NDUFS1: variants seen among roughly 807,000 people sequenced by gnomAD.
NDUFS1 encodes the protein NADH:ubiquinone oxidoreductase core subunit S1, also known as NADH-ubiquinone oxidoreductase 75 kDa subunit, mitochondrial.
A neutral mutation model predicts 84.4 loss-of-function variants in NDUFS1; 61 were observed. The observed-to-expected ratio is 0.72, with a 90% confidence interval of 0.59 to 0.89. The LOEUF (loss-of-function observed/expected upper bound fraction) is 0.89. NDUFS1 is among the 40% of genes least tolerant of loss of function. The pLI, the probability that NDUFS1 is intolerant of heterozygous loss-of-function variation, is 0.00. For missense variants in NDUFS1, 891 were observed against 890.0 expected (o/e 1.00, Z -0.01); for synonymous variants, 275 against 290.0 (o/e 0.95, Z 0.53).
At position 206,115,027 on chromosome 2, in the gene NDUFS1, C is replaced by T. The variant is rs909959180; in HGVS notation, c.*9158G>A. The stretch of plus-strand genomic sequence containing the variant: ...ATGATTATACAAAAAAATTTTTCAG[C>T]AGTTCCCTATTGATGGATATTTACA... On this transcript the variant is annotated 3_prime_UTR_variant, in exon 19 of 19. Coordinates refer to ENST00000233190, the MANE Select transcript of NDUFS1 (RefSeq NM_005006.7). 3 of 152,196 alleles carry T rather than the reference C, an allele frequency of 2.0e-5. No individual in the cohort carries two copies. The highest frequency in any genetic ancestry group is 7.2e-5 in the African/African-American group (3 of 41,450). The allele number at this position is 152,196 out of a possible 1,614,324, so 9.4% of individuals were successfully genotyped here.
chr2:206,152,576 G>A, intron 2 of NDUFS1, 66 bp from the exon 3 acceptor site: 2 of 1,362,476 alleles, frequency 1.5e-6, no homozygotes, highest in Non-Finnish European at 2.1e-6. Context: ...GATAATGGAT[G>A]AATTGACTCT....
rs1281681195 is a variant in NDUFS1 at position 206,123,557 on chromosome 2, T to C, written c.*628A>G. 1 of 152,204 alleles carries C rather than the reference T, an allele frequency of 6.6e-6. No individual in the cohort carries two copies. The highest frequency in any genetic ancestry group is 1.9e-4 in the East Asian group (1 of 5,192). 9.4% of individuals were successfully genotyped at this position (152,204 alleles called of 1,614,324 possible). ...GTTGGTGACTTTTGCTGTGTGGCCT[T>C]GGGCAAGCTATTTAATATACCTAGG... On this transcript the variant is annotated 3_prime_UTR_variant, in exon 19 of 19. Coordinates refer to ENST00000233190, the MANE Select transcript of NDUFS1 (RefSeq NM_005006.7).
chr2:206,144,152 C>G lies in NDUFS1; in HGVS notation c.873-20G>C. Reference sequence around the variant, plus strand: ...GCAAATCTAGAAAACAGAAATTACACCATTGTGGAATCTTGCTAAAGAAGT... The same window carrying G: ...GCAAATCTAGAAAACAGAAATTACAGCATTGTGGAATCTTGCTAAAGAAGT... On this transcript the variant is annotated intron_variant, in intron 9 of 18. Transcript: ENST00000233190. The G allele has an allele frequency of 6.5e-7, 1 of 1,545,918 alleles. No homozygotes were observed. Among genetic ancestry groups the G allele is most frequent in the Non-Finnish European group, 8.9e-7 (1 of 1,118,156 alleles).
At position 206,139,930 on chromosome 2, in the gene NDUFS1, A is replaced by G. The variant is rs563570187; in HGVS notation, c.1263-1316T>C. Among the ~76,000 whole-genome samples the G allele has an allele frequency of 1.8e-3, 267 of 151,932 alleles. 1 individual carries two copies. Among genetic ancestry groups the G allele is most frequent in the African/African-American group, 6.2e-3 (255 of 41,454 alleles). ...CCAGAAGAGTCATGAAACTAATTGTAATGTATGACTCCAGAATGGATCCTG... is the reference window on the plus strand; with the variant it reads ...CCAGAAGAGTCATGAAACTAATTGTGATGTATGACTCCAGAATGGATCCTG... On this transcript the variant is annotated intron_variant, in intron 12 of 18. Transcript: ENST00000233190.
At position 206,121,609 on chromosome 2, in the gene NDUFS1, T is replaced by G. The variant is rs1358248692; in HGVS notation, c.*2576A>C. The G allele has an allele frequency of 6.6e-6, 1 of 152,100 alleles. No individual in the cohort carries two copies. The highest frequency in any genetic ancestry group is 1.5e-5 in the Non-Finnish European group (1 of 68,074). 9.4% of individuals were successfully genotyped at this position (152,100 alleles called of 1,614,324 possible). A position where few individuals can be genotyped will look rare whatever the true frequency, so the allele number is the denominator to read the frequency against. On this transcript the variant is annotated 3_prime_UTR_variant, in exon 19 of 19. Coordinates refer to ENST00000233190, the MANE Select transcript of NDUFS1 (RefSeq NM_005006.7). Reference sequence around the variant, plus strand: ...CTGGGATTACAGCCATGTGCCACCATGCCTGGCTAATTTTTGTATTTTTAG... The same window carrying G: ...CTGGGATTACAGCCATGTGCCACCAGGCCTGGCTAATTTTTGTATTTTTAG...
At chr2:206,148,968 G>C in intron 5 of NDUFS1, 52 bp downstream of exon 5, 1 of 1,349,206 alleles carries the variant, frequency 7.4e-7, no homozygotes, top group Non-Finnish European at 1.1e-6. Flanking sequence ...ATACCAAAAT[G>C]TGCAATTTTC....
rs565989935 is a variant in NDUFS1 at position 206,144,200 on chromosome 2, C to A, written c.873-68G>T. The A allele has an allele frequency of 4.0e-5, 48 of 1,198,744 alleles. No individual in the cohort carries two copies. In the African/African-American group the frequency reaches 5.9e-4, roughly 15 times the overall value. The allele number at this position is 1,198,744 out of a possible 1,614,324, so 74.3% of individuals were successfully genotyped here. A position where few individuals can be genotyped will look rare whatever the true frequency, so the allele number is the denominator to read the frequency against. On this transcript the variant is annotated intron_variant, in intron 9 of 18. Coordinates refer to ENST00000233190, the MANE Select transcript of NDUFS1 (RefSeq NM_005006.7). ...AGTAACTATAATTTTCAAGTTAAAT[C>A]AACAAGAAATGTTATTTAAATACAG...
At chr2:206,152,326 G>T (rs1692400472) in intron 3 of NDUFS1, 93 bp downstream of exon 3, 2 of 940,078 alleles carry the variant, frequency 2.1e-6, no homozygotes, top group Non-Finnish European at 3.4e-6. Flanking sequence ...TTATTTTAAA[G>T]AATTATTTAC....
rs555320851 is a variant in NDUFS1 at position 206,139,114 on chromosome 2, C to G, written c.1263-500G>C. ...CTGGGTAACAAGAGCAAAACTCCAC[C>G]TCAAAATAAAAAATTTAAAAAAAAA... On this transcript the variant is annotated intron_variant, in intron 12 of 18. Transcript: ENST00000233190. Among the ~76,000 whole-genome samples the G allele has an allele frequency of 2.0e-5, 3 of 150,030 alleles. No homozygotes were observed. In the East Asian group the frequency reaches 5.9e-4, roughly 29 times the overall value.
intron 1 of NDUFS1, among the ~76,000 whole-genome samples, chr2:206,154,797 G>A (rs552930468): frequency 6.6e-6 from 1 of 151,570 alleles, no homozygotes; most frequent in East Asian, 2.0e-4. Context: ...CTAATTTTTT[G>A]TATCTTTAGT....
intron 16 of NDUFS1, 129 bp from the exon 17 acceptor site, chr2:206,126,973 C>A: frequency 8.9e-7 from 1 of 1,122,012 alleles, no homozygotes; most frequent in South Asian, 1.4e-5. Flanking sequence ...CATTAGTAGA[C>A]ATACATTTAT....
intron 15 of NDUFS1, 109 bp from the exon 16 acceptor site, chr2:206,128,081 A>C: frequency 2.3e-6 from 3 of 1,278,824 alleles, no homozygotes; most frequent in Middle Eastern, 2.2e-4. Flanking sequence ...AAGTCACAAA[A>C]GTTTTTAAAA....
intron 3 of NDUFS1, 37 bp from the exon 4 acceptor site, chr2:206,149,962 T>C: frequency 7.8e-7 from 1 of 1,286,396 alleles, no homozygotes; most frequent in Non-Finnish European, 1.1e-6. Context: ...AAAAAAAGCA[T>C]TAGAATAACC....
chr2:206,146,877 AC>A (rs1328017386), intron 8 of NDUFS1, 25 bp downstream of exon 8: 1 of 1,605,906 alleles, frequency 6.2e-7, no homozygotes, highest in Admixed American at 1.7e-5. Flanking sequence ...GGACAAAAAA[AC>A]AAATTGTCAT....
intron 3 of NDUFS1, among the ~76,000 whole-genome samples, chr2:206,152,014 C>T (rs964150261): frequency 1.4e-4 from 21 of 152,116 alleles, no homozygotes; most frequent in African/African-American, 3.4e-4. Context: ...TACAGGTGCG[C>T]GCCACGATGC....
chr2:206,126,660 T>A (rs564354783), intron 17 of NDUFS1, 49 bp from the exon 18 acceptor site: 1 of 1,614,098 alleles, frequency 6.2e-7, no homozygotes, highest in Admixed American at 1.7e-5. Context: ...CTAGTACTGT[T>A]ACACCAGTAG....
In NDUFS1 at chr2:206,123,921, CTCTT is replaced by C; in HGVS notation, c.*260_*263del. ...AGCCAACAACTCATAATTTAAGGAT[CTCTT>C]TATGTTCGTCACAAAGGTTATCAAT... On this transcript the variant is annotated 3_prime_UTR_variant, in exon 19 of 19. Transcript: ENST00000233190. 3.0e-6 allele frequency: 1 copy of C among 337,198 alleles called. No individual in the cohort carries two copies. Among genetic ancestry groups the C allele is most frequent in the Non-Finnish European group, 5.3e-6 (1 of 187,952 alleles). 20.9% of individuals were successfully genotyped at this position (337,198 alleles called of 1,614,324 possible). A position where few individuals can be genotyped will look rare whatever the true frequency, so the allele number is the denominator to read the frequency against.
At chr2:206,131,813 C>T (rs1005147158) in intron 14 of NDUFS1, among the ~76,000 whole-genome samples, 1 of 152,142 alleles carries the variant, frequency 6.6e-6, no homozygotes, top group Non-Finnish European at 1.5e-5. Context: ...GTGGCACGCG[C>T]CTGTAGTCCC....
At chr2:206,153,771 C>T (rs571403780) in intron 1 of NDUFS1, 89 bp from the exon 2 acceptor site, 14 of 724,750 alleles carry the variant, frequency 1.9e-5, no homozygotes, top group East Asian at 1.6e-4. Context: ...AATTATTTCA[C>T]ATACATTATG....
Sources: gnomAD v4.1 joint callset for allele counts (sites outside exome capture counted in the v4.1 genomes callset) on GRCh38, gnomAD v4.1.1 for gene constraint, MANE v1.5 for transcripts, NCBI Gene and HGNC (gene_info 2026-07-23, HGNC 2026-07-21) for gene names.